RABGAP1L: variants seen among roughly 807,000 people sequenced by gnomAD.
RABGAP1L encodes rab GTPase-activating protein 1-like.
In RABGAP1L, 63 loss-of-function variants were observed where a neutral mutation model predicts 137.7. The ratio of observed to expected loss-of-function variants is 0.46; its 90% CI spans 0.37 to 0.56. The LOEUF is 0.56. Among genes scored for constraint, RABGAP1L ranks in the 20% least tolerant of loss-of-function variants. The pLI, the probability that RABGAP1L is intolerant of heterozygous loss-of-function variation, is 0.00. For synonymous variants in RABGAP1L, 431 were observed against 433.7 expected, an observed-to-expected ratio of 0.99 and a Z score of 0.08; for missense variants, 1,095 against 1,244.0, an observed-to-expected ratio of 0.88 and a Z score of 1.80.
At chr1:174,222,144 G>A (rs1443271046) in intron 3 of RABGAP1L, among the ~76,000 whole-genome samples, 4 of 151,976 alleles carry the variant, frequency 2.6e-5, no homozygotes, top group South Asian at 2.1e-4. Flanking sequence ...CCTGTTTTAC[G>A]GATTAAATAA....
At chr1:174,718,807 T>A (rs1050383821) in intron 17 of RABGAP1L, among the ~76,000 whole-genome samples, 1 of 151,562 alleles carries the variant, frequency 6.6e-6, no homozygotes, top group Admixed American at 6.6e-5. Context: ...GGGAACTCCT[T>A]TATAGTGTGG....
At chr1:174,640,789 C>A (rs1039223786) in intron 14 of RABGAP1L, among the ~76,000 whole-genome samples, 1 of 151,604 alleles carries the variant, frequency 6.6e-6, no homozygotes, top group African/African-American at 2.4e-5. Context: ...TTTAGTATAG[C>A]GTTCAAATAA....
chr1:174,662,068 G>A (rs943362241), intron 14 of RABGAP1L, among the ~76,000 whole-genome samples: 4 of 148,148 alleles, frequency 2.7e-5, no homozygotes, highest in Admixed American at 1.3e-4. Context: ...GAGGTAGGTC[G>A]TTCAGGAGGT....
chr1:174,686,593 T>A, intron 15 of RABGAP1L, among the ~76,000 whole-genome samples: 1 of 151,312 alleles, frequency 6.6e-6, no homozygotes, highest in South Asian at 2.1e-4. Context: ...ATTACTTGGA[T>A]GAGAAGCTGA....
intron 4 of RABGAP1L, among the ~76,000 whole-genome samples, chr1:174,240,938 T>G (rs200986126): frequency 6.6e-6 from 1 of 150,566 alleles, no homozygotes; most frequent in Non-Finnish European, 1.5e-5. Context: ...ATGTGTGTGT[T>G]TGTGTGTGTG....
At chr1:174,806,736 T>A (rs4233195) in intron 18 of RABGAP1L, among the ~76,000 whole-genome samples, 63,950 of 152,176 alleles carry the variant, frequency 0.42, 15,754 homozygotes, top group Non-Finnish European at 0.54. Context: ...GCACTACTAC[T>A]TGTATTTTAG....
Position 174,448,420 on chromosome 1 carries a change from C to G in RABGAP1L, c.1710+54275C>G. 1 of 1,612,514 alleles carries G rather than the reference C, an allele frequency of 6.2e-7. No homozygotes were observed. The highest frequency in any genetic ancestry group is 8.5e-7 in the Non-Finnish European group (1 of 1,178,484). Reference sequence around the variant, plus strand: ...TGGTTCCTACTCTGTCACTTCTCCACTACTCCACAGGTGTCCACGAGTCAT... The same window carrying G: ...TGGTTCCTACTCTGTCACTTCTCCAGTACTCCACAGGTGTCCACGAGTCAT... On this transcript the variant is annotated intron_variant, in intron 13 of 25. Coordinates refer to ENST00000681986, the MANE Select transcript of RABGAP1L (RefSeq NM_001366446.1). The surrounding 1 kb of genome is among the most constrained non-coding windows in gnomAD (Gnocchi z 4.2).
At chr1:174,905,121 TA>T (rs1658831209) in intron 19 of RABGAP1L, among the ~76,000 whole-genome samples, 1 of 152,142 alleles carries the variant, frequency 6.6e-6, no homozygotes, top group African/African-American at 2.4e-5. Context: ...AGTGACCTAG[TA>T]GTAAAGATTT....
At chr1:174,372,473 G>A (rs1242005565) in intron 12 of RABGAP1L, among the ~76,000 whole-genome samples, 1 of 152,046 alleles carries the variant, frequency 6.6e-6, no homozygotes, top group Non-Finnish European at 1.5e-5. Flanking sequence ...TAGGTTTTCT[G>A]TTATCTGGTC....
At chr1:174,541,765 G>T (rs1245735695) in intron 13 of RABGAP1L, among the ~76,000 whole-genome samples, 1 of 151,304 alleles carries the variant, frequency 6.6e-6, no homozygotes, top group Non-Finnish European at 1.5e-5. Context: ...GACAGCACGA[G>T]ACTCCGTCTC....
At chr1:174,648,994 TC>T (rs1228734969) in intron 14 of RABGAP1L, among the ~76,000 whole-genome samples, 6 of 152,176 alleles carry the variant, frequency 3.9e-5, no homozygotes, top group Non-Finnish European at 8.8e-5. Context: ...TGGTTTAAAG[TC>T]TGTTTTATCA....
chr1:174,166,463 A>C (rs1434066993), intron 1 of RABGAP1L, among the ~76,000 whole-genome samples: 1 of 152,242 alleles, frequency 6.6e-6, no homozygotes, highest in Admixed American at 6.5e-5. Context: ...ATTTTATACA[A>C]AATCCACTTG....
intron 17 of RABGAP1L, among the ~76,000 whole-genome samples, chr1:174,732,194 TCC>T (rs570408358): frequency 3.0e-3 from 311 of 102,852 alleles, no homozygotes; most frequent in African/African-American, 0.013. Context: ...TGAGACCCCA[TCC>T]CCCCCAAAAA....
intron 3 of RABGAP1L, among the ~76,000 whole-genome samples, chr1:174,228,841 C>T (rs1421821759): frequency 6.6e-6 from 1 of 152,052 alleles, no homozygotes; most frequent in African/African-American, 2.4e-5. Flanking sequence ...TCAAGTGATA[C>T]ATGTATGCTT....
At chr1:174,793,757 A>G (rs1387510177) in intron 18 of RABGAP1L, among the ~76,000 whole-genome samples, 2 of 151,614 alleles carry the variant, frequency 1.3e-5, no homozygotes, top group South Asian at 2.1e-4. Flanking sequence ...GTGCAGTGTC[A>G]TGATCTTGGC....
rs1558310877 is a variant in RABGAP1L at position 174,988,799 on chromosome 1, A to G, written c.2964A>G (p.Gln988=). The part of the protein sequence containing the change: ...QLREMELELA[Q]TKLQLVEAKC... ...GAGAGATGGAACTGGAACTGGCACA[A>G]ACCAAACTGCAGTTGGTGGAGGCCA... is the stretch of plus-strand genomic sequence containing the variant. Residue 988 remains glutamine, a synonymous_variant, in exon 25 of 26, where the codon CAA becomes CAG. Coordinates refer to ENST00000681986, the MANE Select transcript of RABGAP1L (RefSeq NM_001366446.1). The G allele has an allele frequency of 6.5e-7, 1 of 1,545,828 alleles. No homozygotes were observed. The highest frequency in any genetic ancestry group is 8.7e-7 in the Non-Finnish European group (1 of 1,145,510).
chr1:174,774,574 G>A (rs1180044078), intron 18 of RABGAP1L, among the ~76,000 whole-genome samples: 3 of 151,460 alleles, frequency 2.0e-5, no homozygotes, highest in Non-Finnish European at 4.4e-5. Flanking sequence ...TATTTAGAAA[G>A]AGAGTGCATA....
At chr1:174,532,533 A>G (rs1664511247) in intron 13 of RABGAP1L, among the ~76,000 whole-genome samples, 1 of 152,152 alleles carries the variant, frequency 6.6e-6, no homozygotes, top group Non-Finnish European at 1.5e-5. Flanking sequence ...GATGAAATTG[A>G]TAAATATTGA....
At chr1:174,357,011 C>T (rs1353993579) in intron 11 of RABGAP1L, among the ~76,000 whole-genome samples, 1 of 152,056 alleles carries the variant, frequency 6.6e-6, no homozygotes, top group Non-Finnish European at 1.5e-5. Flanking sequence ...CTGATGACAT[C>T]TTGTATACTC....
Sources: allele counts gnomAD v4.1 joint callset (sites outside exome capture counted in the v4.1 genomes callset), GRCh38; gene constraint gnomAD v4.1.1; non-coding constraint Gnocchi (gnomAD v3.1); transcripts MANE v1.5; gene names NCBI Gene and HGNC (gene_info 2026-07-23, HGNC 2026-07-21).